Variants in ASTN2 observed in about 807,000 individuals in gnomAD.
ASTN2 encodes the protein astrotactin 2.
ASTN2 carries 54 observed loss-of-function variants against 139.8 expected under a neutral mutation model. The observed-to-expected ratio is 0.39, with a 90% CI of 0.31 to 0.48. The LOEUF is 0.48. Ranked by LOEUF, ASTN2 falls within the 20% of genes least tolerant of loss-of-function variation. The probability of loss-of-function intolerance (pLI) is 0.95; values close to 1 mark genes in which losing one functional copy is unlikely to be tolerated. For missense variants in ASTN2, 1,565 were observed against 1,725.1 expected, an observed-to-expected ratio of 0.91 and a Z score of 1.64; for synonymous variants, 756 against 719.5, an observed-to-expected ratio of 1.05 and a Z score of -0.81.
chr9:117,162,330 T>C (rs1435038845), intron 3 of ASTN2, among the ~76,000 whole-genome samples: 2 of 152,016 alleles, frequency 1.3e-5, no homozygotes, highest in East Asian at 3.9e-4. Flanking sequence ...GGAGCTTCAC[T>C]TGTGGTCCCT....
At chr9:116,780,420 T>C (rs980025279) in intron 13 of ASTN2, among the ~76,000 whole-genome samples, 5 of 152,194 alleles carry the variant, frequency 3.3e-5, no homozygotes, top group African/African-American at 1.2e-4. Context: ...TCTTAACCAC[T>C]CTGCTGTATT....
chr9:116,798,449 G>C (rs1245111557), intron 13 of ASTN2, among the ~76,000 whole-genome samples: 1 of 152,194 alleles, frequency 6.6e-6, no homozygotes, highest in Non-Finnish European at 1.5e-5. Context: ...AGCCTTGAAG[G>C]CATGACTGTT....
intron 19 of ASTN2, among the ~76,000 whole-genome samples, chr9:116,565,749 C>T (rs1304231659): frequency 3.9e-5 from 6 of 152,044 alleles, no homozygotes; most frequent in Non-Finnish European, 5.9e-5. Flanking sequence ...TCCCAAAGGG[C>T]TGGGATTACA....
intron 7 of ASTN2, among the ~76,000 whole-genome samples, chr9:116,979,046 A>G (rs1487651190): frequency 6.6e-6 from 1 of 152,174 alleles, no homozygotes; most frequent in Non-Finnish European, 1.5e-5. Context: ...GATGAACTGT[A>G]AGTGTTATAT....
intron 13 of ASTN2, among the ~76,000 whole-genome samples, chr9:116,755,829 C>A (rs976072467): frequency 1.3e-5 from 2 of 152,118 alleles, no homozygotes; most frequent in Non-Finnish European, 2.9e-5. Flanking sequence ...TATCTGAGTA[C>A]GGAAGAGGCA....
intron 10 of ASTN2, among the ~76,000 whole-genome samples, chr9:116,892,350 T>G (rs1303343884): frequency 6.6e-6 from 1 of 152,210 alleles, no homozygotes; most frequent in Non-Finnish European, 1.5e-5. Flanking sequence ...GAGAAAGTCA[T>G]GCCCAAATTG....
At chr9:116,863,845 A>G in intron 10 of ASTN2, 112 bp from the exon 11 acceptor site, 11 of 1,143,092 alleles carry the variant, frequency 9.6e-6, no homozygotes, top group Middle Eastern at 2.1e-4. Context: ...TAATCAGGAA[A>G]ACAATAATAA....
intron 4 of ASTN2, among the ~76,000 whole-genome samples, chr9:117,140,672 AGAGAAGGAGAAG>A (rs199508723): frequency 6.6e-6 from 1 of 151,662 alleles, no homozygotes; most frequent in South Asian, 2.1e-4. Flanking sequence ...AGAGAAGAGA[AGAGAAGGAGAAG>A]GAGAAGGAGA....
At chr9:116,934,201 G>T (rs1226640621) in intron 10 of ASTN2, among the ~76,000 whole-genome samples, 1 of 151,926 alleles carries the variant, frequency 6.6e-6, no homozygotes, top group Admixed American at 6.6e-5. Context: ...GCTCCAAAGA[G>T]GTGCCTCGAT....
At chr9:116,651,990 C>T (rs569279470) in intron 16 of ASTN2, among the ~76,000 whole-genome samples, 197 bp from the exon 17 acceptor site, 1 of 152,218 alleles carries the variant, frequency 6.6e-6, no homozygotes, top group South Asian at 2.1e-4. Context: ...GTGTATTGTC[C>T]TACCACTTAC....
At chr9:116,845,535 C>G (rs1832403076) in intron 11 of ASTN2, among the ~76,000 whole-genome samples, 2 of 151,916 alleles carry the variant, frequency 1.3e-5, no homozygotes, top group South Asian at 4.2e-4. Context: ...ATGTGCCAAA[C>G]AACAAAAAAC....
rs201476193 is a variant in ASTN2 at position 117,096,076 on chromosome 9, G to A, written c.1244C>T (p.Thr415Met). The change falls in exon 5 of 23, where the codon ACG becomes ATG. Residue 415 changes from threonine (T) to methionine (M), a missense_variant. Coordinates refer to ENST00000313400, the MANE Select transcript of ASTN2 (RefSeq NM_001365068.1). Reference sequence around the variant, plus strand: ...GCGGCGGCGACTGCGGTACTGCTCCGTGTAGAATGTCAGCTGAGTTTCATC... The same window carrying A: ...GCGGCGGCGACTGCGGTACTGCTCCATGTAGAATGTCAGCTGAGTTTCATC... ...ADDETQLTFY[T>M]EQYRSRRRSK... 7.4e-5 allele frequency: 120 copies of A among 1,614,042 alleles called. No homozygotes were observed. The Admixed American group carries it at 7.5e-4, about 10-fold the overall frequency.
intron 19 of ASTN2, among the ~76,000 whole-genome samples, chr9:116,499,079 G>GCAAATC (rs1428494378): frequency 6.6e-6 from 1 of 152,076 alleles, no homozygotes; most frequent in Non-Finnish European, 1.5e-5. Flanking sequence ...CCCGACTAAT[G>GCAAATC]CAAATCCAAA....
At chr9:116,987,145 G>A (rs1428322907) in intron 7 of ASTN2, among the ~76,000 whole-genome samples, 1 of 152,232 alleles carries the variant, frequency 6.6e-6, no homozygotes, top group Non-Finnish European at 1.5e-5. Context: ...TTGGCTCTGT[G>A]TCCTCAACCA....
intron 16 of ASTN2, among the ~76,000 whole-genome samples, chr9:116,709,255 G>C (rs1259956645): frequency 6.6e-6 from 1 of 152,166 alleles, no homozygotes; most frequent in Non-Finnish European, 1.5e-5. Context: ...TCAGCCCCTT[G>C]CTAAATACCA....
intron 17 of ASTN2, among the ~76,000 whole-genome samples, chr9:116,650,526 T>C (rs1857848204): frequency 6.6e-6 from 1 of 152,168 alleles, no homozygotes; most frequent in Non-Finnish European, 1.5e-5. Flanking sequence ...CCATATGAAA[T>C]TGCCATTTTA....
At chr9:116,926,916 A>G (rs1228311019) in intron 10 of ASTN2, among the ~76,000 whole-genome samples, 2 of 152,218 alleles carry the variant, frequency 1.3e-5, no homozygotes, top group Non-Finnish European at 2.9e-5. Flanking sequence ...CCATCAGGAG[A>G]TTATTTAGAA....
intron 17 of ASTN2, among the ~76,000 whole-genome samples, chr9:116,643,514 T>C (rs2131900473): frequency 6.6e-6 from 1 of 152,312 alleles, no homozygotes; most frequent in African/African-American, 2.4e-5. Context: ...CCATGGGCCA[T>C]AGTTTTCCAA....
At chr9:116,641,504 A>C (rs995328080) in intron 17 of ASTN2, among the ~76,000 whole-genome samples, 1 of 152,158 alleles carries the variant, frequency 6.6e-6, no homozygotes, top group African/African-American at 2.4e-5. Flanking sequence ...CAGTGAGCCA[A>C]GTACATAAAG....
Sources: allele counts gnomAD v4.1 joint callset (sites outside exome capture counted in the v4.1 genomes callset), GRCh38; gene constraint gnomAD v4.1.1; transcripts MANE v1.5; gene names NCBI Gene and HGNC (gene_info 2026-07-23, HGNC 2026-07-21).